PNPLA1: variants seen among roughly 807,000 people sequenced by gnomAD.
PNPLA1 encodes omega-hydroxyceramide transacylase.
Under a neutral mutation model 51.7 loss-of-function variants are expected in PNPLA1, and 36 were observed. The observed-to-expected ratio is 0.70, with a 90% confidence interval of 0.53 to 0.92. The LOEUF is 0.92. Ranked by LOEUF, PNPLA1 falls within the 40% of genes least tolerant of loss-of-function variation. The pLI is 0.00. For missense variants in PNPLA1, 658 were observed against 682.5 expected (o/e 0.96, Z 0.40); for synonymous variants, 293 against 280.1 (o/e 1.05, Z -0.46).
chr6:36,305,184 T>A (rs1771193137), intron 6 of PNPLA1, among the ~76,000 whole-genome samples: 1 of 152,152 alleles, frequency 6.6e-6, no homozygotes, highest in African/African-American at 2.4e-5. Flanking sequence ...ATTGTGAGAT[T>A]TTTTTTGGAT....
chr6:36,273,139 G>C (rs1278286811), intron 1 of PNPLA1, among the ~76,000 whole-genome samples: 9 of 151,952 alleles, frequency 5.9e-5, no homozygotes, highest in Admixed American at 5.9e-4. Context: ...CCAGCTACTC[G>C]GGAGGCTGAG....
chr6:36,288,298 C>T (rs370086728), intron 1 of PNPLA1, among the ~76,000 whole-genome samples: 3 of 152,204 alleles, frequency 2.0e-5, no homozygotes, highest in African/African-American at 7.2e-5. Context: ...AACCTTACAA[C>T]AGCTTTCCAT....
chr6:36,282,112 G>GGAAGGAAT (rs1770320123), intron 1 of PNPLA1, among the ~76,000 whole-genome samples: 2 of 106,032 alleles, frequency 1.9e-5, no homozygotes, highest in African/African-American at 7.3e-5. Flanking sequence ...AAGGAAGGAA[G>GGAAGGAAT]GAAGGAAGGA....
intron 6 of PNPLA1, among the ~76,000 whole-genome samples, chr6:36,303,409 CTG>C (rs1485112402): frequency 6.6e-6 from 1 of 151,396 alleles, no homozygotes; most frequent in Non-Finnish European, 1.5e-5. Flanking sequence ...TTTTAAAAAA[CTG>C]TTTCCTTACT....
At chr6:36,281,881 C>A (rs1267086182) in intron 1 of PNPLA1, among the ~76,000 whole-genome samples, 1 of 151,534 alleles carries the variant, frequency 6.6e-6, no homozygotes, top group Non-Finnish European at 1.5e-5. Context: ...ATTAGCCGGG[C>A]ATGGTGGTAG....
At chr6:36,275,227 T>C (rs941988166) in intron 1 of PNPLA1, among the ~76,000 whole-genome samples, 1 of 152,000 alleles carries the variant, frequency 6.6e-6, no homozygotes, top group Non-Finnish European at 1.5e-5. Flanking sequence ...CACAGGTGCA[T>C]GCCACCACGC....
Position 36,292,758 on chromosome 6 carries a change from G to C in PNPLA1, c.439-303G>C, listed in dbSNP as rs1031189323. Among the ~76,000 whole-genome samples the C allele has an allele frequency of 3.2e-4, 48 of 152,298 alleles. 1 individual carries two copies. Among genetic ancestry groups the C allele is most frequent in the Admixed American group, 2.9e-3 (44 of 15,306 alleles). On this transcript the variant is annotated intron_variant, in intron 2 of 8. Coordinates refer to ENST00000636260, the MANE Select transcript of PNPLA1 (RefSeq NM_001374623.1). ...TGGCCCAGGGCTGACACACATTAAT[G>C]GTTGTTGAATCCCACTGGATTCATG...
At chr6:36,248,296 G>T (rs905482181) in intron 1 of PNPLA1, among the ~76,000 whole-genome samples, 2 of 152,156 alleles carry the variant, frequency 1.3e-5, no homozygotes, top group African/African-American at 4.8e-5. Context: ...CTTCCTGAGC[G>T]ACAGGACAGT....
At chr6:36,293,214 T>G in intron 3 of PNPLA1, 88 bp downstream of exon 3, 1 of 1,334,032 alleles carries the variant, frequency 7.5e-7, no homozygotes, top group Non-Finnish European at 1.1e-6. Flanking sequence ...AGGGGGGTGG[T>G]CTCAGAATGC....
chr6:36,301,002 G>C lies in PNPLA1; in HGVS notation c.776-859G>C, dbSNP rs115921287. Among the ~76,000 whole-genome samples the C allele has an allele frequency of 1.9e-3, 286 of 152,244 alleles. 1 individual carries two copies. The highest frequency in any genetic ancestry group is 0.01 in the Middle Eastern group (3 of 294). ...TTATTGTGTTCTTCAAATTGTTCCA[G>C]CTTTGGCCATTGGGAGCCCTTTCAG... On this transcript the variant is annotated intron_variant, in intron 5 of 8. Transcript: ENST00000636260.
At chr6:36,307,511 G>A (rs1771275313) in intron 7 of PNPLA1, 76 bp from the exon 8 acceptor site, 17 of 1,545,986 alleles carry the variant, frequency 1.1e-5, no homozygotes, top group Middle Eastern at 1.8e-4. Context: ...GTCCACCTGC[G>A]GAGCTGAGCA....
chr6:36,286,765 T>C (rs1447383348), intron 1 of PNPLA1, among the ~76,000 whole-genome samples: 1 of 151,960 alleles, frequency 6.6e-6, no homozygotes, highest in African/African-American at 2.4e-5. Context: ...TGTGGCCTCG[T>C]CCTTCCGGAC....
chr6:36,273,752 A>AAAAG (rs1770002709), intron 1 of PNPLA1, among the ~76,000 whole-genome samples: 1 of 138,602 alleles, frequency 7.2e-6, no homozygotes, highest in Non-Finnish European at 1.6e-5. Flanking sequence ...AAAAAAAAAA[A>AAAAG]GATGAAGAAA....
intron 1 of PNPLA1, among the ~76,000 whole-genome samples, chr6:36,260,562 C>T (rs1769625083): frequency 1.3e-5 from 2 of 152,028 alleles, no homozygotes; most frequent in Non-Finnish European, 2.9e-5. Context: ...TCTCTTGGTC[C>T]CCTCCCCAGA....
intron 1 of PNPLA1, among the ~76,000 whole-genome samples, chr6:36,264,379 A>T (rs551255174): frequency 6.9e-4 from 105 of 152,380 alleles, no homozygotes; most frequent in African/African-American, 2.4e-3. Context: ...GACTGGAGCC[A>T]GGGATCATAA....
Position 36,302,004 on chromosome 6 carries a change from G to T in PNPLA1, c.919G>T (p.Ala307Ser). The stretch of plus-strand genomic sequence containing the variant: ...AGCACGGCAGGCCAGTCTGGAAGGA[G>T]CCACACAACCTCACAAGGAGTGGGT... ...LRARQASLEG[A>S]TQPHKEWVPK... The change falls in exon 6 of 9, where the codon GCC becomes TCC. Residue 307 changes from alanine (A) to serine (S), a missense_variant. Ala to Ser is a moderately conservative substitution (Grantham distance 99). Transcript: ENST00000636260. 6.2e-7 allele frequency: 1 copy of T among 1,614,218 alleles called. No individual in the cohort carries two copies. Among genetic ancestry groups the T allele is most frequent in the Non-Finnish European group, 8.5e-7 (1 of 1,180,044 alleles).
Position 36,295,369 on chromosome 6 carries a change from G to A in PNPLA1, c.720G>A (p.Leu240=), listed in dbSNP as rs779284219. ...CCTGGTGCCTCCGCCCACAGATCCT[G>A]CACGATTACTACTACCGAGGGTACG... is the stretch of plus-strand genomic sequence containing the variant. ...HALFPPDLVI[L]HDYYYRGYED... The change falls in exon 5 of 9, where the codon CTG becomes CTA. Residue 240 remains leucine (L), a synonymous_variant. Coordinates refer to ENST00000636260, the MANE Select transcript of PNPLA1 (RefSeq NM_001374623.1). The A allele has an allele frequency of 1.2e-6, 2 of 1,614,172 alleles. No individual in the cohort carries two copies. Among genetic ancestry groups the A allele is most frequent in the Non-Finnish European group, 1.7e-6 (2 of 1,180,024 alleles).
chr6:36,297,817 C>G (rs1561868310), intron 5 of PNPLA1, among the ~76,000 whole-genome samples: 1 of 152,062 alleles, frequency 6.6e-6, no homozygotes, highest in Non-Finnish European at 1.5e-5. Flanking sequence ...CCTCCTCCCC[C>G]ACTCCCTTCT....
chr6:36,294,194 A>G lies in PNPLA1; in HGVS notation c.509A>G (p.Tyr170Cys). 1 of 1,611,970 alleles carries G rather than the reference A, an allele frequency of 6.2e-7. No individual in the cohort carries two copies. The highest frequency in any genetic ancestry group is 8.5e-7 in the Non-Finnish European group (1 of 1,178,200). ...LIPPTYRGVRYIDGGFTGMQP... is the reference protein window; with the variant it reads ...LIPPTYRGVRCIDGGFTGMQP... ...TTTCTCACTCTGCCCCCACAGAGGT[A>G]CATCGATGGGGGCTTCACGGGCATG... Residue 170 changes from tyrosine to cysteine, a missense_variant, in exon 4 of 9, where the codon TAC becomes TGC. Coordinates refer to ENST00000636260, the MANE Select transcript of PNPLA1 (RefSeq NM_001374623.1). The surrounding 1 kb of genome is among the most constrained non-coding windows in gnomAD (Gnocchi z 4.2).
Sources: gnomAD v4.1 joint callset for allele counts (sites outside exome capture counted in the v4.1 genomes callset) on GRCh38, gnomAD v4.1.1 for gene constraint, Gnocchi (gnomAD v3.1) non-coding constraint, MANE v1.5 for transcripts, NCBI Gene and HGNC (gene_info 2026-07-23, HGNC 2026-07-21) for gene names.